Variants in DCP1B observed in about 807,000 individuals in gnomAD.
DCP1B encodes the protein mRNA-decapping enzyme 1B.
In DCP1B, 47 loss-of-function variants were observed where a neutral mutation model predicts 60.5. That is an observed-to-expected ratio of 0.78 (90% confidence interval 0.61 to 0.99). The LOEUF is 0.99. Ranked by LOEUF, DCP1B falls within the 50% of genes least tolerant of loss-of-function variation. The pLI, the probability that DCP1B is intolerant of heterozygous loss-of-function variation, is 0.00. For missense variants in DCP1B, 725 were observed against 756.8 expected (o/e 0.96, Z 0.49); for synonymous variants, 267 against 280.3 (o/e 0.95, Z 0.47).
chr12:1,983,662 T>C (rs1166177641), intron 3 of DCP1B, among the ~76,000 whole-genome samples: 1 of 152,106 alleles, frequency 6.6e-6, no homozygotes, highest in Admixed American at 6.5e-5. Flanking sequence ...TCTTGGGGAA[T>C]GTTTCACGTG....
At position 1,962,743 on chromosome 12, in the gene DCP1B, A is replaced by G. The variant is rs2031168772; in HGVS notation, c.522+2815T>C. ...ATCTCTGTCCAGGCCATACAATAGA[A>G]GGATAATTAAACTGTGGCTCATTCA... On this transcript the variant is annotated intron_variant, in intron 5 of 8. Transcript: ENST00000280665. This position sits in a 1 kb window ranked among gnomAD's most constrained non-coding sequence, Gnocchi z 4.4. Among the ~76,000 whole-genome samples the G allele has an allele frequency of 6.6e-6, 1 of 152,206 alleles. No individual in the cohort carries two copies. Among genetic ancestry groups the G allele is most frequent in the African/African-American group, 2.4e-5 (1 of 41,450 alleles).
At chr12:1,998,507 GAATC>G (rs1376004141) in intron 1 of DCP1B, among the ~76,000 whole-genome samples, 1 of 152,202 alleles carries the variant, frequency 6.6e-6, no homozygotes, top group Non-Finnish European at 1.5e-5. Flanking sequence ...GTTCTCAGAT[GAATC>G]AATCACCTAC....
intron 7 of DCP1B, among the ~76,000 whole-genome samples, chr12:1,952,138 A>C (rs1422607931): frequency 6.6e-6 from 1 of 152,176 alleles, no homozygotes; most frequent in Admixed American, 6.5e-5. Flanking sequence ...TGGACTCTAC[A>C]TTTCACTGCA....
rs1304996778 is a variant in DCP1B, at chr12:1,955,473, G to A, written c.610C>T (p.Pro204Ser). The A allele has an allele frequency of 6.2e-7, 1 of 1,613,738 alleles. No individual in the cohort carries two copies. The highest frequency in any genetic ancestry group is 1.1e-5 in the South Asian group (1 of 91,076). ...PNLIKPIPVK[P>S]SENQQQRIPQ... ...ATACGCTGTTGCTGGTTTTCACTGG[G>A]TTTCACTGGAATTGGTTTGATGAGA... is the stretch of plus-strand genomic sequence containing the variant. The change falls in exon 6 of 9, where the codon CCC becomes TCC. Residue 204 changes from proline to serine, a missense_variant. Pro to Ser is a moderately conservative substitution (Grantham distance 74, BLOSUM62 -1). Transcript: ENST00000280665.
At chr12:1,956,393 A>G (rs2030886469) in intron 5 of DCP1B, among the ~76,000 whole-genome samples, 1 of 152,182 alleles carries the variant, frequency 6.6e-6, no homozygotes, top group South Asian at 2.1e-4. Flanking sequence ...CAGGCCCCAA[A>G]ATATTCCACA....
intron 1 of DCP1B, among the ~76,000 whole-genome samples, chr12:1,999,983 T>C (rs2041818881): frequency 6.6e-6 from 1 of 152,108 alleles, no homozygotes; most frequent in Non-Finnish European, 1.5e-5. Flanking sequence ...AAAACAAACA[T>C]GGTTAATTCC....
rs150729891 is a variant in DCP1B at position 1,966,545 on chromosome 12, A to G, written c.387-852T>C. ...AATTCTAACTGGGGAGGGGGTCGGA[A>G]TCCACACAATCAGCTGCTTATTGCT... is the stretch of plus-strand genomic sequence containing the variant. On this transcript the variant is annotated intron_variant, in intron 4 of 8. Coordinates refer to ENST00000280665, the MANE Select transcript of DCP1B (RefSeq NM_152640.5). Among the ~76,000 whole-genome samples, 1,407 of 152,338 alleles carry G rather than the reference A, an allele frequency of 9.2e-3. 19 individuals carry two copies. The highest frequency in any genetic ancestry group is 0.027 in the African/African-American group (1,127 of 41,580).
Position 1,952,660 on chromosome 12 carries a change from G to C in DCP1B, c.1280C>G (p.Ser427Cys). 6.2e-7 allele frequency: 1 copy of C among 1,614,186 alleles called. No homozygotes were observed. The highest frequency in any genetic ancestry group is 8.5e-7 in the Non-Finnish European group (1 of 1,180,036). Residue 427 changes from serine to cysteine, a missense_variant, in exon 7 of 9, where the codon TCC becomes TGC. Coordinates refer to ENST00000280665, the MANE Select transcript of DCP1B (RefSeq NM_152640.5). ...GGGGAGTGTTTGTCTTGGGAGTGTGGACTGTTCTCTTCCATGAGCCTGATG... is the reference window on the plus strand; with the variant it reads ...GGGGAGTGTTTGTCTTGGGAGTGTGCACTGTTCTCTTCCATGAGCCTGATG... ...VGHQAHGREQ[S>C]TLPRQTLPIS...
intron 2 of DCP1B, among the ~76,000 whole-genome samples, chr12:1,994,891 T>G (rs2040418829): frequency 6.6e-6 from 1 of 152,080 alleles, no homozygotes; most frequent in African/African-American, 2.4e-5. Context: ...CCAGCTCCAT[T>G]CCCTGTAACA....
chr12:1,952,142 C>T (rs1415866450), intron 7 of DCP1B, among the ~76,000 whole-genome samples: 1 of 152,174 alleles, frequency 6.6e-6, no homozygotes, highest in African/African-American at 2.4e-5. Context: ...CTCTACATTT[C>T]ACTGCATTAT....
chr12:1,954,440 A>T (rs1369368162), intron 6 of DCP1B, among the ~76,000 whole-genome samples: 1 of 152,134 alleles, frequency 6.6e-6, no homozygotes, highest in East Asian at 1.9e-4. Context: ...TTAATTAGTC[A>T]TAGTCATGAT....
At chr12:1,949,023 T>C in intron 8 of DCP1B, 63 bp downstream of exon 8, 3 of 1,575,544 alleles carry the variant, frequency 1.9e-6, no homozygotes, top group Non-Finnish European at 1.7e-6. Flanking sequence ...CTTTATCTCA[T>C]AGTTGCAGCC....
intron 3 of DCP1B, among the ~76,000 whole-genome samples, chr12:1,981,584 T>A (rs2036146445): frequency 6.6e-6 from 1 of 152,218 alleles, no homozygotes; most frequent in South Asian, 2.1e-4. Context: ...TGTTTACATG[T>A]CTGTCTTTCG....
chr12:1,957,598 T>G (rs2030931579), intron 5 of DCP1B, among the ~76,000 whole-genome samples: 1 of 152,234 alleles, frequency 6.6e-6, no homozygotes, highest in African/African-American at 2.4e-5. Flanking sequence ...TACTCCAAGC[T>G]TAACTATGCA....
At chr12:1,985,557 TCTTA>T (rs1321323562) in intron 3 of DCP1B, among the ~76,000 whole-genome samples, 1 of 152,242 alleles carries the variant, frequency 6.6e-6, no homozygotes, top group Non-Finnish European at 1.5e-5. Context: ...AATGTCACTA[TCTTA>T]TAATTCTAAC....
intron 5 of DCP1B, among the ~76,000 whole-genome samples, chr12:1,955,876 T>C (rs1392236256): frequency 1.3e-5 from 2 of 152,242 alleles, no homozygotes; most frequent in Non-Finnish European, 2.9e-5. Flanking sequence ...CGTTTAAATA[T>C]ATATAGTCTA....
intron 3 of DCP1B, among the ~76,000 whole-genome samples, chr12:1,986,575 C>T (rs370831474): frequency 2.0e-5 from 3 of 152,078 alleles, no homozygotes; most frequent in African/African-American, 7.2e-5. Context: ...TTCCCTGCAA[C>T]TGGCTTCACG....
chr12:1,995,633 A>T (rs368429534), intron 2 of DCP1B, among the ~76,000 whole-genome samples: 1 of 151,950 alleles, frequency 6.6e-6, no homozygotes, highest in Non-Finnish European at 1.5e-5. Context: ...CCTGCAGCTG[A>T]GCTCCCTCCT....
At chr12:1,946,344 CTT>C in intron 8 of DCP1B, 58 bp from the exon 9 acceptor site, 1 of 1,377,108 alleles carries the variant, frequency 7.3e-7, no homozygotes. Context: ...ACACAAAAGG[CTT>C]CCTCTGTCTT....
Sources: gnomAD v4.1 joint callset for allele counts (sites outside exome capture counted in the v4.1 genomes callset) on GRCh38, gnomAD v4.1.1 for gene constraint, Gnocchi (gnomAD v3.1) non-coding constraint, MANE v1.5 for transcripts, NCBI Gene and HGNC (gene_info 2026-07-23, HGNC 2026-07-21) for gene names.